The following UBE2E3 variants were observed in gnomAD, a reference collection of about 807,000 sequenced individuals.
UBE2E3 encodes ubiquitin-conjugating enzyme E2 E3.
UBE2E3 carries 5 observed loss-of-function variants against 23.6 expected under a neutral mutation model. The observed-to-expected ratio is 0.21, with a 90% CI of 0.11 to 0.44. UBE2E3 has a LOEUF of 0.44. UBE2E3 is among the 20% of genes least tolerant of loss of function. The pLI is 0.99. For missense variants in UBE2E3, 81 were observed against 249.8 expected (o/e 0.32, Z 4.55); for synonymous variants, 78 against 87.5 (o/e 0.89, Z 0.60).
chr2:181,037,013 T>G (rs534135526), intron 3 of UBE2E3, among the ~76,000 whole-genome samples: 1 of 152,214 alleles, frequency 6.6e-6, no homozygotes, highest in Non-Finnish European at 1.5e-5. Context: ...TCCATAGTTA[T>G]GCATTGTATA....
At chr2:181,040,796 T>TA (rs1480441957) in intron 3 of UBE2E3, among the ~76,000 whole-genome samples, 3 of 152,186 alleles carry the variant, frequency 2.0e-5, no homozygotes, top group Non-Finnish European at 4.4e-5. Context: ...GGAATTTTTA[T>TA]AAAATCATTC....
intron 1 of UBE2E3, chr2:180,981,361 G>A (rs1684286774): frequency 6.6e-6 from 1 of 152,188 alleles, no homozygotes; most frequent in Admixed American, 6.5e-5. Context: ...GAGGAACCTT[G>A]GTGGCATTGG....
intron 3 of UBE2E3, among the ~76,000 whole-genome samples, chr2:180,998,478 A>T (rs1333244602): frequency 6.6e-6 from 1 of 150,606 alleles, no homozygotes; most frequent in African/African-American, 2.5e-5. Context: ...GCAGGGGGAG[A>T]TGATGAAATT....
chr2:181,028,659 A>AT (rs1456478251), intron 3 of UBE2E3, among the ~76,000 whole-genome samples: 2 of 151,944 alleles, frequency 1.3e-5, no homozygotes, highest in African/African-American at 4.8e-5. Flanking sequence ...AGGTTGAACA[A>AT]TTTTTTTATG....
intron 3 of UBE2E3, among the ~76,000 whole-genome samples, chr2:180,996,141 C>G (rs1684815291): frequency 6.6e-6 from 1 of 152,050 alleles, no homozygotes. Flanking sequence ...TTGCTTTGCT[C>G]TAGGAAACCT....
chr2:180,992,303 A>AG (rs1389458132), intron 3 of UBE2E3, among the ~76,000 whole-genome samples: 1 of 152,222 alleles, frequency 6.6e-6, no homozygotes, highest in African/African-American at 2.4e-5. Context: ...TTACACAGAA[A>AG]GGAAGATAAT....
At chr2:181,012,333 A>T (rs912147349) in intron 3 of UBE2E3, among the ~76,000 whole-genome samples, 16 of 152,164 alleles carry the variant, frequency 1.1e-4, no homozygotes, top group African/African-American at 3.4e-4. Flanking sequence ...GGTATTGGTT[A>T]GTTACAGTTG....
intron 3 of UBE2E3, among the ~76,000 whole-genome samples, chr2:181,039,707 CAA>C (rs1404549001): frequency 6.6e-6 from 1 of 152,110 alleles, no homozygotes; most frequent in Admixed American, 6.5e-5. Flanking sequence ...TTTATAATGA[CAA>C]AGACACTGAT....
At chr2:181,058,890 T>C (rs184131731) in intron 4 of UBE2E3, among the ~76,000 whole-genome samples, 69 of 151,882 alleles carry the variant, frequency 4.5e-4, no homozygotes, top group Non-Finnish European at 8.1e-4. Context: ...TAAAGTGCTT[T>C]ACCGTGTGGT....
chr2:180,994,616 A>G (rs1194838562), intron 3 of UBE2E3, among the ~76,000 whole-genome samples: 1 of 152,218 alleles, frequency 6.6e-6, no homozygotes, highest in Non-Finnish European at 1.5e-5. Flanking sequence ...TGAGGATACA[A>G]ATAAAGTCCA....
chr2:181,029,569 T>C (rs1000241733), intron 3 of UBE2E3, among the ~76,000 whole-genome samples: 1 of 151,786 alleles, frequency 6.6e-6, no homozygotes, highest in Non-Finnish European at 1.5e-5. Context: ...TAAAAACTTG[T>C]TTTTTATCTA....
chr2:181,004,084 G>A (rs1020395801), intron 3 of UBE2E3, among the ~76,000 whole-genome samples: 3 of 151,800 alleles, frequency 2.0e-5, no homozygotes, highest in African/African-American at 7.3e-5. Context: ...GGCTGGGGTG[G>A]AGAGTTAAGA....
chr2:181,050,286 G>T (rs1364896473), intron 3 of UBE2E3, among the ~76,000 whole-genome samples: 2 of 151,808 alleles, frequency 1.3e-5, no homozygotes, highest in African/African-American at 2.4e-5. Flanking sequence ...TACCTTGTGG[G>T]TTTTCTTCAA....
chr2:181,042,720 A>G (rs1000920521), intron 3 of UBE2E3, among the ~76,000 whole-genome samples: 1 of 152,204 alleles, frequency 6.6e-6, no homozygotes, highest in African/African-American at 2.4e-5. Context: ...AGACCTTTCA[A>G]TTCTGAACAT....
At chr2:181,055,749 A>T (rs190181245) in intron 3 of UBE2E3, among the ~76,000 whole-genome samples, 2 of 151,898 alleles carry the variant, frequency 1.3e-5, no homozygotes, top group East Asian at 3.9e-4. Context: ...GTGGGAAGAG[A>T]GCACATTTAA....
intron 3 of UBE2E3, among the ~76,000 whole-genome samples, chr2:181,045,613 T>C (rs893674576): frequency 6.6e-6 from 1 of 152,168 alleles, no homozygotes; most frequent in South Asian, 2.1e-4. Flanking sequence ...CCCAGACTAA[T>C]ACATCAGAAT....
chr2:180,986,801 G>C (rs968948331), intron 3 of UBE2E3, among the ~76,000 whole-genome samples: 7 of 152,064 alleles, frequency 4.6e-5, no homozygotes, highest in Non-Finnish European at 8.8e-5. Context: ...GAAATGTAAA[G>C]TATATCTGTG....
At chr2:181,038,399 C>G (rs1197872970) in intron 3 of UBE2E3, among the ~76,000 whole-genome samples, 1 of 152,086 alleles carries the variant, frequency 6.6e-6, no homozygotes, top group Non-Finnish European at 1.5e-5. Flanking sequence ...TGACAAAATC[C>G]CCGAATGACA....
intron 3 of UBE2E3, among the ~76,000 whole-genome samples, chr2:181,028,310 T>C (rs1203037493): frequency 3.3e-5 from 5 of 152,052 alleles, no homozygotes; most frequent in African/African-American, 1.2e-4. Flanking sequence ...TGTAGTAGGG[T>C]ATATTGGGTG....
Sources: allele counts gnomAD v4.1 joint callset (sites outside exome capture counted in the v4.1 genomes callset), GRCh38; gene constraint gnomAD v4.1.1; transcripts MANE v1.5; gene names NCBI Gene and HGNC (gene_info 2026-07-23, HGNC 2026-07-21).